The following CCDC43 variants were observed in gnomAD, a reference collection of about 807,000 sequenced individuals.
CCDC43 encodes the protein coiled-coil domain containing 43.
A neutral mutation model predicts 33.3 loss-of-function variants in CCDC43; 20 were observed. The ratio of observed to expected loss-of-function variants is 0.60; its 90% confidence interval spans 0.42 to 0.87. The LOEUF (loss-of-function observed/expected upper bound fraction) is 0.87. Ranked by LOEUF, CCDC43 falls within the 40% of genes least tolerant of loss-of-function variation. The pLI is 0.00. For missense variants in CCDC43, 248 were observed against 269.9 expected (o/e 0.92, Z 0.57); for synonymous variants, 104 against 106.5 (o/e 0.98, Z 0.14).
chr17:44,683,936 G>C lies in CCDC43; in HGVS notation c.228C>G (p.Ile76Met). ...AFLEEDSLLN[I>M]CKEIVERWSE... is the part of the protein sequence containing the mutation. The stretch of plus-strand genomic sequence containing the variant: ...ACCATCGTTCCACAATCTCCTTGCA[G>C]ATATTAAGGAGGGAATCTTCTTCCT... The change falls in exon 2 of 5, where the codon ATC (isoleucine) becomes ATG (methionine). Residue 76 changes from isoleucine (I) to methionine (M), a missense_variant. By Grantham distance (10) the Ile-to-Met change is conservative (BLOSUM62 1). Coordinates refer to ENST00000315286, the MANE Select transcript of CCDC43 (RefSeq NM_144609.3). 6.2e-7 allele frequency: 1 copy of C among 1,612,050 alleles called. No individual in the cohort carries two copies.
At position 44,689,711 on chromosome 17, in the gene CCDC43, C is replaced by T; in HGVS notation, c.43G>A (p.Gly15Ser). Reference sequence around the variant, plus strand: ...CCAAAGCCGCCGCCTCCGCCATCGCCTTCGCCAGGGGCTATCGCGGCCACT... The same window carrying T: ...CCAAAGCCGCCGCCTCCGCCATCGCTTTCGCCAGGGGCTATCGCGGCCACT... The part of the protein sequence containing the change: ...SEVAAIAPGE[G>S]DGGGGGFGSW... Residue 15 changes from glycine (G) to serine (S), a missense_variant, in exon 1 of 5, where the codon GGC becomes AGC. Gly to Ser is a moderately conservative substitution (Grantham distance 56). Coordinates refer to ENST00000315286, the MANE Select transcript of CCDC43 (RefSeq NM_144609.3). 1 of 1,599,124 alleles carries T rather than the reference C, an allele frequency of 6.3e-7. No homozygotes were observed. Among genetic ancestry groups the T allele is most frequent in the Non-Finnish European group, 8.5e-7 (1 of 1,173,544 alleles).
rs973107376 is a variant in CCDC43 at position 44,678,107 on chromosome 17, T to A, written c.*749A>T. 1 of 152,598 alleles carries A rather than the reference T, an allele frequency of 6.6e-6. No individual in the cohort carries two copies. The highest frequency in any genetic ancestry group is 2.4e-5 in the African/African-American group (1 of 41,428). The allele number at this position is 152,598 out of a possible 1,614,324, so 9.5% of individuals were successfully genotyped here. A position where few individuals can be genotyped will look rare whatever the true frequency, so the allele number is the denominator to read the frequency against. The stretch of plus-strand genomic sequence containing the variant: ...ACCAGGAATTATTTCTTAATACTCA[T>A]GTTTTATGGAAAAATCAGGATTAAA... On this transcript the variant is annotated 3_prime_UTR_variant, in exon 5 of 5. Coordinates refer to ENST00000315286, the MANE Select transcript of CCDC43 (RefSeq NM_144609.3).
In CCDC43 at chr17:44,677,585, T is replaced by G. The variant is rs907315591; in HGVS notation, c.*1271A>C. 3 of 152,094 alleles carry G rather than the reference T, an allele frequency of 2.0e-5. No individual in the cohort carries two copies. Among genetic ancestry groups the G allele is most frequent in the African/African-American group, 7.2e-5 (3 of 41,416 alleles). The allele number at this position is 152,094 out of a possible 1,614,324, so 9.4% of individuals were successfully genotyped here. ...TTAACCTTCTGCACAAAGGTAAAAG[T>G]TTTTGTTAATCTCATAGTTAATGGT... On this transcript the variant is annotated 3_prime_UTR_variant, in exon 5 of 5. Transcript: ENST00000315286.
intron 1 of CCDC43, among the ~76,000 whole-genome samples, chr17:44,684,714 A>C (rs1972210279): frequency 6.6e-6 from 1 of 152,070 alleles, no homozygotes; most frequent in Non-Finnish European, 1.5e-5. Context: ...AAAAGAAAGA[A>C]AGAAAGAAAA....
chr17:44,682,391 TAAAAAA>T (rs67280453), intron 2 of CCDC43, among the ~76,000 whole-genome samples: 4 of 100,990 alleles, frequency 4.0e-5, no homozygotes, highest in East Asian at 3.1e-4. Flanking sequence ...TCTGCTGCCT[TAAAAAA>T]AAAAAAAAAA....
chr17:44,684,030 T>C, intron 1 of CCDC43, 71 bp from the exon 2 acceptor site: 1 of 969,554 alleles, frequency 1.0e-6, no homozygotes, highest in Admixed American at 1.9e-5. Flanking sequence ...CAAAAAAGCC[T>C]ATGAAGAAAG....
intron 1 of CCDC43, among the ~76,000 whole-genome samples, chr17:44,684,440 G>C (rs1311480172): frequency 6.6e-6 from 1 of 152,146 alleles, no homozygotes; most frequent in African/African-American, 2.4e-5. Context: ...GCTTACGCCT[G>C]TAATCCCAGC....
chr17:44,680,827 T>C (rs1038331710), intron 3 of CCDC43, among the ~76,000 whole-genome samples, 184 bp from the exon 4 acceptor site: 2 of 152,222 alleles, frequency 1.3e-5, no homozygotes, highest in African/African-American at 2.4e-5. Context: ...ATATATCTTC[T>C]ATAAGATCCT....
Position 44,679,008 on chromosome 17 carries a change from T to C in CCDC43, c.523A>G (p.Asn175Asp). 1 of 1,613,920 alleles carries C rather than the reference T, an allele frequency of 6.2e-7. No individual in the cohort carries two copies. Among genetic ancestry groups the C allele is most frequent in the Middle Eastern group, 1.7e-4 (1 of 6,054 alleles). ...FRNTNVEDVL[N>D]ARKLERDSLR... ...GAGTCTCGCTCCAGTTTTCGGGCATTAAGGACATCTTCCACATTGGTGTTT... is the reference window on the plus strand; with the variant it reads ...GAGTCTCGCTCCAGTTTTCGGGCATCAAGGACATCTTCCACATTGGTGTTT... Residue 175 changes from asparagine to aspartate, a missense_variant, in exon 5 of 5, where the codon AAT becomes GAT. By Grantham distance (23) the Asn-to-Asp change is conservative (BLOSUM62 1). Transcript: ENST00000315286.
chr17:44,682,095 T>C lies in CCDC43; in HGVS notation c.336A>G (p.Gln112=). The change falls in exon 3 of 5, where the codon CAA becomes CAG. Residue 112 remains glutamine (Q), a synonymous_variant. Transcript: ENST00000315286. ...AIATLIEKQA[Q]IVVKPRMVSE... ...ACACCATCCTTGGCTTTACTACGAT[T>C]TGTGCCTGCTTCTCAATTAGGGTGG... The C allele has an allele frequency of 6.2e-7, 1 of 1,614,032 alleles. No individual in the cohort carries two copies. Among genetic ancestry groups the C allele is most frequent in the Non-Finnish European group, 8.5e-7 (1 of 1,179,892 alleles).
chr17:44,678,805 C>A lies in CCDC43; in HGVS notation c.*51G>T, dbSNP rs754845751. The A allele has an allele frequency of 2.8e-5, 43 of 1,532,762 alleles. No homozygotes were observed. Among genetic ancestry groups the A allele is most frequent in the Non-Finnish European group, 3.7e-5 (42 of 1,130,990 alleles). 94.9% of individuals were successfully genotyped at this position (1,532,762 alleles called of 1,614,324 possible). ...CTCTCATTTCTCTTAAATACACAAC[C>A]AGTTCTCCCTTTGATAAGTTCATGG... On this transcript the variant is annotated 3_prime_UTR_variant, in exon 5 of 5. Coordinates refer to ENST00000315286, the MANE Select transcript of CCDC43 (RefSeq NM_144609.3).
intron 1 of CCDC43, among the ~76,000 whole-genome samples, chr17:44,686,219 A>G (rs1972234337): frequency 6.6e-6 from 1 of 152,198 alleles, no homozygotes; most frequent in Non-Finnish European, 1.5e-5. Flanking sequence ...AGCCGAGCCC[A>G]TGTTCTTAAC....
At chr17:44,681,004 G>C (rs1334485118) in intron 3 of CCDC43, among the ~76,000 whole-genome samples, 2 of 152,150 alleles carry the variant, frequency 1.3e-5, no homozygotes, top group African/African-American at 2.4e-5. Context: ...ACTAAATTGT[G>C]GGTGAAGCCC....
intron 3 of CCDC43, 186 bp downstream of exon 3, chr17:44,681,817 A>G (rs1261176413): frequency 7.9e-6 from 5 of 636,488 alleles, no homozygotes; most frequent in Admixed American, 3.0e-5. Context: ...GTTGAAAAAT[A>G]TAAGTCCAGT....
intron 1 of CCDC43, among the ~76,000 whole-genome samples, chr17:44,686,148 C>T (rs1048543207): frequency 2.0e-5 from 3 of 152,310 alleles, no homozygotes; most frequent in African/African-American, 4.8e-5. Flanking sequence ...CTCCTGACCT[C>T]GTGATCCGCC....
At chr17:44,686,779 G>C (rs1322142780) in intron 1 of CCDC43, among the ~76,000 whole-genome samples, 1 of 152,140 alleles carries the variant, frequency 6.6e-6, no homozygotes, top group Admixed American at 6.5e-5. Flanking sequence ...ATTTCTATCT[G>C]TTTTATTCTT....
At chr17:44,683,331 C>G (rs1026341735) in intron 2 of CCDC43, among the ~76,000 whole-genome samples, 1 of 152,032 alleles carries the variant, frequency 6.6e-6, no homozygotes, top group African/African-American at 2.4e-5. Flanking sequence ...AGTTCGAGAC[C>G]AGCCTGGTCA....
chr17:44,678,933 C>T lies in CCDC43; in HGVS notation c.598G>A (p.Glu200Lys), dbSNP rs770472351. The change falls in exon 5 of 5, where the codon GAG becomes AAG. Residue 200 changes from glutamate (E) to lysine (K), a missense_variant. Transcript: ENST00000315286. Reference protein sequence around the residue: ...RKKEQDKLQRERDKLAKQERK... With the variant: ...RKKEQDKLQRKRDKLAKQERK... ...TCCTGCTTGGCTAGTTTGTCTCTCT[C>T]CCTCTGCAGCTTGTCCTGTTCCTTC... 1 of 1,613,822 alleles carries T rather than the reference C, an allele frequency of 6.2e-7. No homozygotes were observed. The highest frequency in any genetic ancestry group is 1.7e-5 in the Admixed American group (1 of 60,006).
intron 1 of CCDC43, chr17:44,689,344 T>C: frequency 1.5e-6 from 1 of 657,314 alleles, no homozygotes; most frequent in East Asian, 2.8e-5. Context: ...AAGCCCTTCC[T>C]CTCTGTGTAC....
Sources: allele counts gnomAD v4.1 joint callset (sites outside exome capture counted in the v4.1 genomes callset), GRCh38; gene constraint gnomAD v4.1.1; transcripts MANE v1.5; gene names NCBI Gene and HGNC (gene_info 2026-07-23, HGNC 2026-07-21).